ROBO2: variants seen among roughly 807,000 people sequenced by gnomAD.
The protein encoded by ROBO2 is roundabout homolog 2.
In ROBO2, 53 loss-of-function variants were observed where a neutral mutation model predicts 160.8. That is an observed-to-expected ratio of 0.33 (90% confidence interval 0.26 to 0.41). The LOEUF (loss-of-function observed/expected upper bound fraction) is 0.41. Among genes scored for constraint, ROBO2 ranks in the 10% least tolerant of loss-of-function variants. ROBO2 has a pLI of 1.00. For missense variants in ROBO2, 1,577 were observed against 1,722.4 expected, an observed-to-expected ratio of 0.92 and a Z score of 1.49; for synonymous variants, 664 against 611.7, an observed-to-expected ratio of 1.09 and a Z score of -1.26.
chr3:77,247,244 C>T (rs899628841), intron 2 of ROBO2, among the ~76,000 whole-genome samples: 3 of 152,112 alleles, frequency 2.0e-5, no homozygotes, highest in Admixed American at 6.6e-5. Flanking sequence ...ACTATTCCCA[C>T]GAGCAGCCCA....
chr3:77,456,409 AAG>A (rs2081641710), intron 2 of ROBO2, among the ~76,000 whole-genome samples: 1 of 152,190 alleles, frequency 6.6e-6, no homozygotes, highest in South Asian at 2.1e-4. Flanking sequence ...TGGAACTGTT[AAG>A]GAAACATTTA....
chr3:75,917,429 G>A (rs1946857605), intron 1 of ROBO2, among the ~76,000 whole-genome samples: 2 of 152,106 alleles, frequency 1.3e-5, no homozygotes, highest in African/African-American at 4.8e-5. Context: ...TCTTCATCCG[G>A]TCTATCATTG....
At chr3:76,243,627 A>T (rs1437869474) in intron 2 of ROBO2, among the ~76,000 whole-genome samples, 4 of 152,166 alleles carry the variant, frequency 2.6e-5, no homozygotes. Context: ...AAAAACCATG[A>T]GAAGTAGCAG....
At chr3:76,468,550 A>G (rs1304264997) in intron 2 of ROBO2, among the ~76,000 whole-genome samples, 1 of 151,986 alleles carries the variant, frequency 6.6e-6, no homozygotes, top group Admixed American at 6.6e-5. Context: ...TTAATGTCTG[A>G]CTCAATTCTT....
chr3:76,362,389 AGACACCT>A (rs2075573047), intron 2 of ROBO2, among the ~76,000 whole-genome samples: 2 of 152,020 alleles, frequency 1.3e-5, no homozygotes. Context: ...TGAATATTAT[AGACACCT>A]GATTTTATTG....
intron 2 of ROBO2, among the ~76,000 whole-genome samples, chr3:75,999,191 C>A (rs915410951): frequency 6.6e-6 from 1 of 152,088 alleles, no homozygotes; most frequent in African/African-American, 2.4e-5. Context: ...AAGAGTTAAA[C>A]AATATGTGAA....
At chr3:77,638,640 A>T (rs2095302559) in intron 24 of ROBO2, among the ~76,000 whole-genome samples, 1 of 152,056 alleles carries the variant, frequency 6.6e-6, no homozygotes, top group Non-Finnish European at 1.5e-5. Flanking sequence ...TCCCTTTTGT[A>T]AAGTTTCTCC....
At chr3:76,748,466 A>G (rs2093928320) in intron 2 of ROBO2, among the ~76,000 whole-genome samples, 2 of 151,784 alleles carry the variant, frequency 1.3e-5, no homozygotes, top group Admixed American at 6.6e-5. Context: ...CTGGTACTGT[A>G]TATGTATATG....
intron 2 of ROBO2, among the ~76,000 whole-genome samples, chr3:77,399,501 G>T (rs1352221230): frequency 6.6e-6 from 1 of 152,124 alleles, no homozygotes; most frequent in Non-Finnish European, 1.5e-5. Flanking sequence ...ATGTACTGTG[G>T]CACACATTTC....
At chr3:76,672,100 C>T (rs761719930) in intron 2 of ROBO2, among the ~76,000 whole-genome samples, 14 of 151,918 alleles carry the variant, frequency 9.2e-5, no homozygotes, top group Admixed American at 5.2e-4. Context: ...TTATTTTTTT[C>T]GAATACGTAT....
At chr3:76,561,778 G>C in intron 2 of ROBO2, among the ~76,000 whole-genome samples, 1 of 152,082 alleles carries the variant, frequency 6.6e-6, no homozygotes, top group Middle Eastern at 3.4e-3. Context: ...TCTTTGATGC[G>C]GTCCTTTTTA....
intron 2 of ROBO2, among the ~76,000 whole-genome samples, chr3:76,279,588 TA>T (rs1346151866): frequency 6.6e-6 from 1 of 152,018 alleles, no homozygotes; most frequent in African/African-American, 2.4e-5. Context: ...GTTCACACTT[TA>T]ATGTGTTCTT....
At chr3:76,273,962 A>G (rs1455664517) in intron 2 of ROBO2, among the ~76,000 whole-genome samples, 2 of 152,178 alleles carry the variant, frequency 1.3e-5, no homozygotes, top group African/African-American at 4.8e-5. Context: ...CACATAGCAG[A>G]AGGGCAAAGA....
At position 75,998,656 on chromosome 3, in the gene ROBO2, T is replaced by C. The variant is rs73841067; in HGVS notation, c.109+61054T>C. Among the ~76,000 whole-genome samples the C allele has an allele frequency of 7.4e-3, 1,125 of 152,316 alleles. 10 individuals are homozygous for C. The highest frequency in any genetic ancestry group is 0.026 in the African/African-American group (1,079 of 41,564). ...TGTTTTCAAACAATGTCAGTTTCTA[T>C]CAGCATGCAGCAGGCGTATCCCTCT... On this transcript the variant is annotated intron_variant, in intron 2 of 26. Coordinates refer to the ROBO2 transcript ENST00000487694.
At chr3:76,583,677 T>C (rs1232865748) in intron 2 of ROBO2, among the ~76,000 whole-genome samples, 1 of 152,160 alleles carries the variant, frequency 6.6e-6, no homozygotes, top group African/African-American at 2.4e-5. Context: ...CCACTGAGTC[T>C]ATCTGCCCCA....
chr3:77,494,618 ACTT>A (rs1464453323), intron 5 of ROBO2, among the ~76,000 whole-genome samples: 2 of 152,104 alleles, frequency 1.3e-5, no homozygotes, highest in African/African-American at 4.8e-5. Context: ...CAACAAAACA[ACTT>A]CGTTTCTTTC....
intron 5 of ROBO2, among the ~76,000 whole-genome samples, chr3:77,495,417 T>G (rs549148115): frequency 6.6e-6 from 1 of 152,324 alleles, no homozygotes; most frequent in South Asian, 2.1e-4. Context: ...AGGTAATAAT[T>G]AAGTAAAGTG....
At chr3:76,477,356 G>C (rs1280942722) in intron 2 of ROBO2, among the ~76,000 whole-genome samples, 1 of 151,998 alleles carries the variant, frequency 6.6e-6, no homozygotes, top group Non-Finnish European at 1.5e-5. Flanking sequence ...TTATAAATCA[G>C]ATGATTATAA....
At chr3:76,765,718 T>C (rs934110893) in intron 2 of ROBO2, among the ~76,000 whole-genome samples, 3 of 151,652 alleles carry the variant, frequency 2.0e-5, no homozygotes, top group African/African-American at 7.2e-5. Flanking sequence ...TCATTACGGA[T>C]GTCCAGTTCA....
Sources: allele counts gnomAD v4.1 joint callset (sites outside exome capture counted in the v4.1 genomes callset), GRCh38; gene constraint gnomAD v4.1.1; transcripts MANE v1.5; gene names NCBI Gene and HGNC (gene_info 2026-07-23, HGNC 2026-07-21).